The following TK2 variants were observed in gnomAD, a reference collection of about 807,000 sequenced individuals.
TK2 encodes the protein thymidine kinase 2, mitochondrial.
A neutral mutation model predicts 41.9 loss-of-function variants in TK2; 35 were observed. The observed-to-expected ratio is 0.84, with a 90% CI of 0.64 to 1.11. TK2 has a LOEUF of 1.11. Ranked by LOEUF, TK2 falls within the 50% of genes least tolerant of loss-of-function variation. TK2 has a pLI of 0.00. For missense variants in TK2, 320 were observed against 351.1 expected (o/e 0.91, Z 0.71); for synonymous variants, 128 against 129.1 (o/e 0.99, Z 0.06).
intron 5 of TK2, 62 bp downstream of exon 5, chr16:66,531,318 T>C (rs985812864): frequency 6.5e-7 from 1 of 1,538,554 alleles, no homozygotes; most frequent in African/African-American, 1.4e-5. Context: ...TTCCTGGCAA[T>C]CACATACCCC....
intron 5 of TK2, among the ~76,000 whole-genome samples, chr16:66,529,895 T>C (rs913672045): frequency 4.6e-5 from 7 of 152,218 alleles, no homozygotes; most frequent in Admixed American, 1.3e-4. Context: ...TAGCTCCCCA[T>C]TCATCCCTCT....
At chr16:66,531,327 C>A in intron 5 of TK2, 53 bp downstream of exon 5, 1 of 1,572,742 alleles carries the variant, frequency 6.4e-7, no homozygotes, top group South Asian at 1.1e-5. Context: ...ATCACATACC[C>A]CAAGTCTGAA....
In TK2 at chr16:66,514,662, T is replaced by A. The variant is rs1349187672; in HGVS notation, c.619-851A>T. Among the ~76,000 whole-genome samples the A allele has an allele frequency of 3.3e-5, 5 of 151,720 alleles. No homozygotes were observed. The East Asian group carries it at 7.8e-4, about 24-fold the overall frequency. ...CCCTCTGCCCGGCCACCACCCCGTC[T>A]GGGAGGTGTACCCAATAGCTCATTG... On this transcript the variant is annotated intron_variant, in intron 8 of 9. Coordinates refer to ENST00000544898, the MANE Select transcript of TK2 (RefSeq NM_004614.5). The surrounding 1 kb of genome is among the most constrained non-coding windows in gnomAD (Gnocchi z 4.2).
At chr16:66,531,727 A>G (rs1304243544) in intron 4 of TK2, among the ~76,000 whole-genome samples, 2 of 152,242 alleles carry the variant, frequency 1.3e-5, no homozygotes, top group Non-Finnish European at 2.9e-5. Flanking sequence ...GGCCAGACAA[A>G]GAAATGAAGG....
intron 9 of TK2, among the ~76,000 whole-genome samples, chr16:66,512,398 T>C (rs1381105871): frequency 6.6e-6 from 1 of 151,864 alleles, no homozygotes; most frequent in African/African-American, 2.4e-5. Flanking sequence ...CCCTGTAAGC[T>C]CATGAATGAT....
rs181540440 is a variant in TK2 at position 66,524,181 on chromosome 16, C to T, written c.449+4813G>A. Among the ~76,000 whole-genome samples the T allele has an allele frequency of 2.7e-3, 408 of 152,248 alleles. 5 individuals are homozygous for T. Among genetic ancestry groups the T allele is most frequent in the Non-Finnish European group, 5.1e-3 (344 of 68,034 alleles). ...ACTGCGCAGAACTTTTCACCATGGT[C>T]CCAAAGACAACCCTCAGGCCGAGGC... On this transcript the variant is annotated intron_variant, in intron 6 of 9. Transcript: ENST00000544898.
In TK2 at chr16:66,511,724, C is replaced by T. The variant is rs1028230116; in HGVS notation, c.*244G>A. ...CAGCAGCACAAAGCCATGGGAGAGG[C>T]ACCGGGGGAATGTGAGGCTGCGAAC... On this transcript the variant is annotated 3_prime_UTR_variant, in exon 10 of 10. Transcript: ENST00000544898. The T allele has an allele frequency of 1.7e-6, 1 of 577,748 alleles. No individual in the cohort carries two copies. Among genetic ancestry groups the T allele is most frequent in the African/African-American group, 1.9e-5 (1 of 53,526 alleles). The allele number at this position is 577,748 out of a possible 1,614,324, so 35.8% of individuals were successfully genotyped here. A position where few individuals can be genotyped will look rare whatever the true frequency, so the allele number is the denominator to read the frequency against.
At chr16:66,519,108 C>A (rs1310692005) in intron 6 of TK2, among the ~76,000 whole-genome samples, 1 of 145,210 alleles carries the variant, frequency 6.9e-6, no homozygotes, top group African/African-American at 2.6e-5. Flanking sequence ...ACTACAGGCA[C>A]CCGCCACCAC....
At chr16:66,550,241 C>T, upstream of TK2, 1 of 1,605,682 alleles carries the variant, frequency 6.2e-7, no homozygotes, top group Non-Finnish European at 8.5e-7. Context: ...CGCTGGCAGC[C>T]AGAAGCCTTA....
intron 6 of TK2, among the ~76,000 whole-genome samples, chr16:66,519,119 G>A (rs573562412): frequency 7.8e-4 from 118 of 151,628 alleles, no homozygotes; most frequent in African/African-American, 2.8e-3. Flanking sequence ...CCGCCACCAC[G>A]CCGGGCTAAT....
chr16:66,540,568 CA>C (rs1965429436), intron 3 of TK2, among the ~76,000 whole-genome samples: 1 of 152,114 alleles, frequency 6.6e-6, no homozygotes, highest in Non-Finnish European at 1.5e-5. Flanking sequence ...TCTGTAGTAA[CA>C]AAAGAGAGCC....
chr16:66,529,350 T>G (rs1412792832), intron 5 of TK2, among the ~76,000 whole-genome samples: 1 of 152,210 alleles, frequency 6.6e-6, no homozygotes, highest in East Asian at 1.9e-4. Context: ...CATCAGCAGC[T>G]GCCTCTTTGA....
In TK2 at chr16:66,511,920, T is replaced by C. The variant is rs759312221; in HGVS notation, c.*48A>G. 7 of 1,574,042 alleles carry C rather than the reference T, an allele frequency of 4.4e-6. No individual in the cohort carries two copies. The South Asian group carries it at 7.8e-5, about 17-fold the overall frequency. ...TCCAGATTGCTCCCAATAGCTAACT[T>C]GGCAGCAGCAGGCATTTTTCAGACA... On this transcript the variant is annotated 3_prime_UTR_variant, in exon 10 of 10. Transcript: ENST00000544898.
chr16:66,540,609 C>T (rs1232255076), intron 3 of TK2, among the ~76,000 whole-genome samples: 2 of 152,210 alleles, frequency 1.3e-5, no homozygotes, highest in Admixed American at 1.3e-4. Context: ...CCACTAAAAT[C>T]TAGAACAAGG....
In TK2 at chr16:66,512,009, C is replaced by T. The variant is rs761852321; in HGVS notation, c.757G>A (p.Asp253Asn). Residue 253 changes from aspartate (D) to asparagine (N), a missense_variant, in exon 10 of 10, where the codon GAT becomes AAT. Coordinates refer to ENST00000544898, the MANE Select transcript of TK2 (RefSeq NM_004614.5). ...RMLELFEQNR[D>N]RILTPENRKH... The stretch of plus-strand genomic sequence containing the variant: ...CGATTCTCTGGAGTTAATATTCGAT[C>T]CCGATTTTGTTCAAAGAGTTCTAAC... 32 of 1,614,184 alleles carry T rather than the reference C, an allele frequency of 2.0e-5. No homozygotes were observed. The highest frequency in any genetic ancestry group is 2.7e-5 in the Non-Finnish European group (32 of 1,180,036).
intron 6 of TK2, among the ~76,000 whole-genome samples, chr16:66,522,478 C>T (rs1225099338): frequency 1.3e-5 from 2 of 152,218 alleles, no homozygotes; most frequent in African/African-American, 2.4e-5. Context: ...TCCCATTACT[C>T]GGCCCACACA....
At position 66,549,017 on chromosome 16, in the gene TK2, AGAAAG is replaced by A. The variant is rs1355681110; in HGVS notation, c.125-13_125-9del. 1.2e-6 allele frequency: 2 copies of A among 1,613,732 alleles called. No individual in the cohort carries two copies. The highest frequency in any genetic ancestry group is 1.3e-5 in the African/African-American group (1 of 75,038). On this transcript the variant is annotated splice_polypyrimidine_tract_variant and intron_variant, in intron 1 of 9. Transcript: ENST00000544898. ...CTTTTTCCTGTTCTTTATCTACAAA[AGAAAG>A]GAAATCAGTTTTTAAACTCACTTTT... is the stretch of plus-strand genomic sequence containing the variant.
intron 4 of TK2, among the ~76,000 whole-genome samples, chr16:66,532,004 G>A (rs942501907): frequency 2.0e-5 from 3 of 151,782 alleles, no homozygotes; most frequent in African/African-American, 4.8e-5. Flanking sequence ...AGTACCTATT[G>A]GGTACTATGC....
At chr16:66,520,951 G>A (rs983083732) in intron 6 of TK2, among the ~76,000 whole-genome samples, 3 of 152,220 alleles carry the variant, frequency 2.0e-5, no homozygotes, top group African/African-American at 7.2e-5. Context: ...CAAACTCATG[G>A]CTTGAGGGCA....
Sources: gnomAD v4.1 joint callset for allele counts (sites outside exome capture counted in the v4.1 genomes callset) on GRCh38, gnomAD v4.1.1 for gene constraint, Gnocchi (gnomAD v3.1) non-coding constraint, MANE v1.5 for transcripts, NCBI Gene and HGNC (gene_info 2026-07-23, HGNC 2026-07-21) for gene names.